SCLT1: variants seen among roughly 807,000 people sequenced by gnomAD.
The protein encoded by SCLT1 is sodium channel and clathrin linker 1, also known as sodium channel-associated protein 1.
Under a neutral mutation model 112.8 loss-of-function variants are expected in SCLT1, and 78 were observed. The ratio of observed to expected loss-of-function variants is 0.69; its 90% CI spans 0.58 to 0.83. The LOEUF (loss-of-function observed/expected upper bound fraction) is 0.83, where lower values mean the gene tolerates loss of function less well. Ranked by LOEUF, SCLT1 falls within the 40% of genes least tolerant of loss-of-function variation. The pLI is 0.00. For synonymous variants in SCLT1, 257 were observed against 254.7 expected (o/e 1.01, Z -0.09); for missense variants, 747 against 770.4 (o/e 0.97, Z 0.36).
At chr4:128,995,188 G>C (rs1428181753) in intron 8 of SCLT1, among the ~76,000 whole-genome samples, 2 of 152,030 alleles carry the variant, frequency 1.3e-5, no homozygotes, top group Admixed American at 1.3e-4. Context: ...TCCATTTTGG[G>C]TTGATATTTG....
chr4:129,086,744 C>G (rs1379400031), intron 1 of SCLT1, among the ~76,000 whole-genome samples: 2 of 152,012 alleles, frequency 1.3e-5, no homozygotes, highest in Non-Finnish European at 2.9e-5. Context: ...TAAAAGACAC[C>G]AGTAAAAACA....
chr4:128,940,918 C>T (rs2034497), intron 17 of SCLT1, among the ~76,000 whole-genome samples: 88,213 of 151,756 alleles, frequency 0.58, 26,573 homozygotes, highest in African/African-American at 0.75. Flanking sequence ...AAAGTAAATA[C>T]GTACCATTTA....
At chr4:128,881,807 A>G (rs570110334), downstream of SCLT1, among the ~76,000 whole-genome samples, 4 of 152,214 alleles carry the variant, frequency 2.6e-5, no homozygotes, top group Non-Finnish European at 5.9e-5. Context: ...ATTATTAACA[A>G]ACTTTTCTGA....
chr4:129,000,747 A>G (rs951114082), intron 6 of SCLT1, among the ~76,000 whole-genome samples: 2 of 152,000 alleles, frequency 1.3e-5, no homozygotes, highest in African/African-American at 4.8e-5. Context: ...GAGGTATACC[A>G]TGCATTCAGA....
At chr4:128,901,532 G>C (rs557445873) in intron 18 of SCLT1, among the ~76,000 whole-genome samples, 26 of 148,354 alleles carry the variant, frequency 1.8e-4, no homozygotes, top group Middle Eastern at 6.9e-3. Flanking sequence ...GGGGTGGTGG[G>C]GGGGGGGAGG....
chr4:128,960,091 TTA>T (rs1439807659), intron 11 of SCLT1, among the ~76,000 whole-genome samples: 1 of 152,166 alleles, frequency 6.6e-6, no homozygotes, highest in Non-Finnish European at 1.5e-5. Flanking sequence ...TCACACTGTA[TTA>T]TATAGTTACA....
chr4:129,085,763 A>C (rs553631041), intron 1 of SCLT1, among the ~76,000 whole-genome samples: 162 of 152,334 alleles, frequency 1.1e-3, no homozygotes, highest in African/African-American at 3.7e-3. Context: ...TAATGCAGGA[A>C]CAGAAAACCA....
intron 9 of SCLT1, among the ~76,000 whole-genome samples, chr4:128,981,410 G>GT (rs1741639528): frequency 6.6e-6 from 1 of 152,138 alleles, no homozygotes; most frequent in South Asian, 2.1e-4. Context: ...TCTGGAGGTC[G>GT]TAAGATTTGC....
At chr4:128,935,498 G>A (rs1228483949) in intron 18 of SCLT1, among the ~76,000 whole-genome samples, 1 of 151,922 alleles carries the variant, frequency 6.6e-6, no homozygotes, top group Non-Finnish European at 1.5e-5. Flanking sequence ...TTATCTATGT[G>A]ATCTTATACA....
intron 18 of SCLT1, among the ~76,000 whole-genome samples, chr4:128,913,585 C>A (rs1401889829): frequency 6.6e-6 from 1 of 152,034 alleles, no homozygotes; most frequent in African/African-American, 2.4e-5. Flanking sequence ...TTTTTTCCAG[C>A]CACCTTGAGC....
Position 128,990,259 on chromosome 4 carries a change from A to G in SCLT1, c.686+1908T>C, listed in dbSNP as rs77061588. 3.8e-3 allele frequency among the ~76,000 whole-genome samples: 572 copies of G among 152,168 alleles called. 1 individual carries two copies. The highest frequency in any genetic ancestry group is 0.011 in the African/African-American group (474 of 41,574). The stretch of plus-strand genomic sequence containing the variant: ...TTAAAGAGATCATTCTTCATGATCA[A>G]GTGGGATTCATCCCAGGGATGCATG... On this transcript the variant is annotated intron_variant, in intron 9 of 20. Coordinates refer to ENST00000281142, the MANE Select transcript of SCLT1 (RefSeq NM_144643.4).
intron 18 of SCLT1, among the ~76,000 whole-genome samples, chr4:128,927,600 G>C (rs953354089): frequency 5.9e-5 from 9 of 151,464 alleles, no homozygotes; most frequent in Admixed American, 5.9e-4. Flanking sequence ...AAAATAATTT[G>C]AACTAAATAA....
At chr4:128,929,112 T>C (rs1290737482) in intron 18 of SCLT1, among the ~76,000 whole-genome samples, 1 of 152,192 alleles carries the variant, frequency 6.6e-6, no homozygotes, top group Non-Finnish European at 1.5e-5. Context: ...TATTGATAGA[T>C]GATATGACCA....
At chr4:129,042,048 G>A (rs1198079574) in intron 4 of SCLT1, among the ~76,000 whole-genome samples, 1 of 152,046 alleles carries the variant, frequency 6.6e-6, no homozygotes, top group Non-Finnish European at 1.5e-5. Flanking sequence ...CACCTGGCCA[G>A]GCTGCTTTAA....
chr4:128,960,979 T>C (rs971163032), intron 11 of SCLT1, among the ~76,000 whole-genome samples: 2 of 131,264 alleles, frequency 1.5e-5, no homozygotes, highest in African/African-American at 3.1e-5. Flanking sequence ...TAACCCTTAG[T>C]CTGTCCTTTA....
intron 18 of SCLT1, among the ~76,000 whole-genome samples, chr4:128,898,740 T>C (rs1350747713): frequency 6.6e-6 from 1 of 152,078 alleles, no homozygotes; most frequent in Admixed American, 6.6e-5. Flanking sequence ...CGGGAGCTGG[T>C]TTTTTGAAAA....
At chr4:128,914,296 GTGGA>G (rs1259378483) in intron 18 of SCLT1, among the ~76,000 whole-genome samples, 1 of 151,914 alleles carries the variant, frequency 6.6e-6, no homozygotes, top group Non-Finnish European at 1.5e-5. Flanking sequence ...AACCCAGGAG[GTGGA>G]GATTGTAGTG....
chr4:129,088,272 AAT>A (rs1259993365), intron 1 of SCLT1, among the ~76,000 whole-genome samples: 4 of 152,216 alleles, frequency 2.6e-5, no homozygotes, highest in African/African-American at 9.7e-5. Context: ...AAAATGAAAA[AAT>A]ATCTTTTAAT....
chr4:129,050,312 A>C (rs966811508), intron 2 of SCLT1, among the ~76,000 whole-genome samples: 1 of 152,208 alleles, frequency 6.6e-6, no homozygotes, highest in African/African-American at 2.4e-5. Context: ...GAATTGCCAC[A>C]CTGTCTTCCA....
Sources: allele counts gnomAD v4.1 joint callset (sites outside exome capture counted in the v4.1 genomes callset), GRCh38; gene constraint gnomAD v4.1.1; transcripts MANE v1.5; gene names NCBI Gene and HGNC (gene_info 2026-07-23, HGNC 2026-07-21).